Variants in C16orf74 observed in about 807,000 individuals in gnomAD.
C16orf74 encodes calcimembrin, also known as uncharacterized protein C16orf74.
In C16orf74, 10 loss-of-function variants were observed where a neutral mutation model predicts 6.5. The ratio of observed to expected loss-of-function variants is 1.54; its 90% CI spans 0.95 to 2.61. The LOEUF is 2.61. Ranked by LOEUF, C16orf74 falls within the 30% of genes most tolerant of loss-of-function variation. The pLI is 0.00. For synonymous variants in C16orf74, 60 were observed against 42.5 expected (o/e 1.41, Z -1.60); for missense variants, 141 against 105.9 (o/e 1.33, Z -1.45).
chr16:85,710,846 G>C (rs1319535729), intron 2 of C16orf74: 1 of 152,660 alleles, frequency 6.6e-6, no homozygotes, highest in African/African-American at 2.4e-5. Context: ...AGCAGATCTG[G>C]CTGCTCCCTC....
chr16:85,728,676 T>C (rs1165494867), intron 2 of C16orf74, among the ~76,000 whole-genome samples: 1 of 152,192 alleles, frequency 6.6e-6, no homozygotes, highest in African/African-American at 2.4e-5. Flanking sequence ...AGCAGGAAGG[T>C]GTAACGGCTC....
At chr16:85,731,200 G>C (rs1333473284) in intron 2 of C16orf74, among the ~76,000 whole-genome samples, 4 of 152,230 alleles carry the variant, frequency 2.6e-5, no homozygotes, top group South Asian at 2.1e-4. Flanking sequence ...CTGAGGCCTA[G>C]AGAGACAAGG....
chr16:85,720,737 C>T (rs373328), intron 2 of C16orf74, among the ~76,000 whole-genome samples: 45,212 of 144,718 alleles, frequency 0.31, 7,324 homozygotes, highest in Middle Eastern at 0.4. Context: ...AATCACACCA[C>T]GGCACCCCAG....
intron 1 of C16orf74, among the ~76,000 whole-genome samples, chr16:85,748,978 A>T (rs1045586513): frequency 6.9e-6 from 1 of 144,018 alleles, no homozygotes; most frequent in Non-Finnish European, 1.5e-5. Context: ...AAGGAGTCTC[A>T]CTATGTTGCT....
At chr16:85,725,530 G>T (rs973605231) in intron 2 of C16orf74, among the ~76,000 whole-genome samples, 24 of 152,208 alleles carry the variant, frequency 1.6e-4, no homozygotes, top group Admixed American at 9.2e-4. Flanking sequence ...CCTTCCAGAA[G>T]ATTCTGATGT....
intron 1 of C16orf74, chr16:85,743,448 G>C (rs1456261843): frequency 2.0e-5 from 3 of 152,096 alleles, no homozygotes; most frequent in African/African-American, 7.2e-5. Flanking sequence ...TGAGGAGCTG[G>C]GGCTCACAGC....
At chr16:85,711,179 T>G (rs1440633595) in intron 2 of C16orf74, among the ~76,000 whole-genome samples, 1 of 151,538 alleles carries the variant, frequency 6.6e-6, no homozygotes, top group East Asian at 1.9e-4. Context: ...CCCGGTGTGG[T>G]GGCACACACC....
At chr16:85,723,305 G>A (rs1218881319) in intron 2 of C16orf74, among the ~76,000 whole-genome samples, 2 of 149,650 alleles carry the variant, frequency 1.3e-5, no homozygotes, top group African/African-American at 2.5e-5. Context: ...GCACATGCCT[G>A]TAATCCCAGC....
chr16:85,711,444 G>A (rs1473919484), intron 2 of C16orf74, among the ~76,000 whole-genome samples: 6 of 141,610 alleles, frequency 4.2e-5, no homozygotes, highest in African/African-American at 1.3e-4. Flanking sequence ...GAGAAACCCC[G>A]TCTCCACTGA....
chr16:85,710,663 T>C (rs902671599), intron 2 of C16orf74: 3 of 225,586 alleles, frequency 1.3e-5, no homozygotes, highest in Admixed American at 6.0e-5. Flanking sequence ...CAGCCTCCAC[T>C]CTCCAAAGTG....
intron 3 of C16orf74, among the ~76,000 whole-genome samples, chr16:85,709,495 GTTA>G (rs57478569): frequency 0.03 from 4,367 of 147,372 alleles, 194 homozygotes; most frequent in African/African-American, 0.096. Flanking sequence ...CATCCCCAAT[GTTA>G]TTATTATTAT....
At chr16:85,733,630 G>C (rs2054214087) in intron 2 of C16orf74, among the ~76,000 whole-genome samples, 1 of 152,150 alleles carries the variant, frequency 6.6e-6, no homozygotes, top group South Asian at 2.1e-4. Context: ...TCATGTCTAA[G>C]GGAAGAAAGT....
At chr16:85,713,274 C>A (rs1310587349) in intron 2 of C16orf74, among the ~76,000 whole-genome samples, 5 of 152,020 alleles carry the variant, frequency 3.3e-5, no homozygotes, top group Non-Finnish European at 7.4e-5. Context: ...GTCCAGACTC[C>A]CCCCTGCTTT....
chr16:85,746,455 C>T (rs932787164), intron 1 of C16orf74, among the ~76,000 whole-genome samples: 20 of 152,198 alleles, frequency 1.3e-4, no homozygotes, highest in African/African-American at 4.6e-4. Flanking sequence ...TGATTTCTAA[C>T]GTCTGGCTGT....
intron 2 of C16orf74, among the ~76,000 whole-genome samples, chr16:85,714,985 T>C (rs1481371430): frequency 1.3e-5 from 2 of 149,516 alleles, no homozygotes; most frequent in East Asian, 2.1e-4. Context: ...TGAAACCCCG[T>C]CTCTACTAAA....
rs538590184 is a variant in C16orf74, at chr16:85,707,943, G to A, written c.*65C>T. 3.1e-5 allele frequency: 43 copies of A among 1,409,580 alleles called. 1 individual carries two copies. The highest frequency in any genetic ancestry group is 1.6e-4 in the South Asian group (13 of 81,090). The allele number at this position is 1,409,580 out of a possible 1,614,324, so 87.3% of individuals were successfully genotyped here. A position where few individuals can be genotyped will look rare whatever the true frequency, so the allele number is the denominator to read the frequency against. On this transcript the variant is annotated 3_prime_UTR_variant, in exon 4 of 4. Coordinates refer to ENST00000284245, the MANE Select transcript of C16orf74 (RefSeq NM_206967.3). ...CAGCACACCTGCTCCAGGCAGCCAC[G>A]CCCCCGGACACCTGAAGCCGGGCCG... is the stretch of plus-strand genomic sequence containing the variant.
chr16:85,749,677 G>A (rs76721994), intron 1 of C16orf74, among the ~76,000 whole-genome samples: 1 of 152,384 alleles, frequency 6.6e-6, no homozygotes, highest in African/African-American at 2.4e-5. Context: ...TGCATGAGGA[G>A]TGCTCCGTAA....
intron 2 of C16orf74, among the ~76,000 whole-genome samples, chr16:85,720,286 G>C (rs758702683): frequency 1.3e-5 from 2 of 152,188 alleles, no homozygotes; most frequent in African/African-American, 4.8e-5. Context: ...ACACCAAGGT[G>C]GGGGAAGGTG....
chr16:85,713,702 G>C (rs1399030419), intron 2 of C16orf74, among the ~76,000 whole-genome samples: 1 of 152,220 alleles, frequency 6.6e-6, no homozygotes, highest in African/African-American at 2.4e-5. Context: ...TGAGGCCCTG[G>C]GGGCGAGGAG....
Sources: gnomAD v4.1 joint callset for allele counts (sites outside exome capture counted in the v4.1 genomes callset) on GRCh38, gnomAD v4.1.1 for gene constraint, MANE v1.5 for transcripts, NCBI Gene and HGNC (gene_info 2026-07-23, HGNC 2026-07-21) for gene names.